CLASP1: variants seen among roughly 807,000 people sequenced by gnomAD.
CLASP1 encodes CLIP-associating protein 1.
In CLASP1, 38 loss-of-function variants were observed where a neutral mutation model predicts 192.3. The ratio of observed to expected loss-of-function variants is 0.20; its 90% confidence interval spans 0.15 to 0.26. The LOEUF (loss-of-function observed/expected upper bound fraction) is 0.26. Ranked by LOEUF, CLASP1 falls within the 10% of genes least tolerant of loss-of-function variation. CLASP1 has a pLI of 1.00. For missense variants in CLASP1, 1,433 were observed against 1,932.5 expected (o/e 0.74, Z 4.85); for synonymous variants, 691 against 712.8 (o/e 0.97, Z 0.49).
At chr2:121,622,086 C>T (rs1291698858) in intron 1 of CLASP1, among the ~76,000 whole-genome samples, 1 of 151,792 alleles carries the variant, frequency 6.6e-6, no homozygotes, top group Non-Finnish European at 1.5e-5. Flanking sequence ...CTTGACCTCA[C>T]ACCTGCCTCA....
chr2:121,370,099 G>T (rs1003351217), intron 34 of CLASP1, among the ~76,000 whole-genome samples: 2 of 152,168 alleles, frequency 1.3e-5, no homozygotes, highest in African/African-American at 2.4e-5. Flanking sequence ...TCCCTATGTT[G>T]AATGTCTTCA....
intron 1 of CLASP1, among the ~76,000 whole-genome samples, chr2:121,636,609 G>C (rs1209444008): frequency 1.3e-5 from 2 of 152,010 alleles, no homozygotes; most frequent in African/African-American, 4.8e-5. Flanking sequence ...AGGTTGCAGT[G>C]AGCCAAGATC....
intron 8 of CLASP1, among the ~76,000 whole-genome samples, chr2:121,478,650 A>C (rs1275312356): frequency 0.036 from 1,892 of 52,280 alleles, 25 homozygotes; most frequent in African/African-American, 0.15. Context: ...CACACCCCCC[A>C]CACACACACA....
intron 34 of CLASP1, among the ~76,000 whole-genome samples, chr2:121,373,499 G>A (rs1229740169): frequency 6.6e-6 from 1 of 152,140 alleles, no homozygotes; most frequent in African/African-American, 2.4e-5. Context: ...ACTGGGTAAC[G>A]GACAGAGGCT....
chr2:121,390,927 T>C (rs889723472), intron 30 of CLASP1, among the ~76,000 whole-genome samples: 17 of 152,260 alleles, frequency 1.1e-4, no homozygotes, highest in Non-Finnish European at 2.1e-4. Context: ...CATGTAATCC[T>C]CCTGCCTCAG....
chr2:121,470,259 T>C lies in CLASP1; in HGVS notation c.713-299A>G, dbSNP rs76271781. ...TAAAACCACCACCTTGAAACAGTTA[T>C]TTTCACATTCTGCAACATTTCTGAC... On this transcript the variant is annotated intron_variant, in intron 8 of 39. Coordinates refer to ENST00000263710, the Ensembl canonical transcript of CLASP1. 1.7e-4 allele frequency: 88 copies of C among 509,994 alleles called. 2 individuals carry two copies. The East Asian group carries it at 2.0e-3, about 12-fold the overall frequency. 31.6% of individuals were successfully genotyped at this position (509,994 alleles called of 1,614,324 possible).
chr2:121,373,786 C>G (rs2069299881), intron 34 of CLASP1, among the ~76,000 whole-genome samples: 1 of 152,184 alleles, frequency 6.6e-6, no homozygotes, highest in African/African-American at 2.4e-5. Flanking sequence ...AATTTCTAAG[C>G]AGTAAAGTGT....
At chr2:121,484,912 G>C (rs1176626082) in intron 8 of CLASP1, among the ~76,000 whole-genome samples, 1 of 152,158 alleles carries the variant, frequency 6.6e-6, no homozygotes, top group Non-Finnish European at 1.5e-5. Context: ...TAGTTCCTGG[G>C]AATACAGTAT....
At chr2:121,351,696 G>A (rs961964749) in intron 37 of CLASP1, among the ~76,000 whole-genome samples, 4 of 152,142 alleles carry the variant, frequency 2.6e-5, no homozygotes, top group African/African-American at 9.7e-5. Flanking sequence ...CCACCTCTGG[G>A]GCCTACACTG....
At chr2:121,478,630 T>TACACACACACACACCCCCCACACACACAC (rs2091958247) in intron 8 of CLASP1, among the ~76,000 whole-genome samples, 1 of 32,454 alleles carries the variant, frequency 3.1e-5, no homozygotes, top group Non-Finnish European at 6.4e-5. Context: ...CACACACACA[T>TACACACACACACACCCCCCACACACACAC]ACACACACAC....
intron 2 of CLASP1, among the ~76,000 whole-genome samples, chr2:121,559,373 A>G (rs74377477): frequency 0.013 from 2,025 of 152,356 alleles, 42 homozygotes; most frequent in African/African-American, 0.047. Context: ...TTAAAAATCT[A>G]CATCCACACA....
chr2:121,367,968 C>G, intron 34 of CLASP1, 137 bp from the exon 36 acceptor site: 3 of 1,128,064 alleles, frequency 2.7e-6, no homozygotes, highest in Non-Finnish European at 3.7e-6. Flanking sequence ...GCTACTAGTA[C>G]TGCAATGTAA....
intron 34 of CLASP1, among the ~76,000 whole-genome samples, chr2:121,368,591 C>T (rs758797160): frequency 1.3e-5 from 2 of 152,144 alleles, no homozygotes; most frequent in Non-Finnish European, 2.9e-5. Context: ...CACCACTGGT[C>T]TAGCCCCTTT....
intron 8 of CLASP1, among the ~76,000 whole-genome samples, chr2:121,482,599 A>G (rs2092678634): frequency 6.6e-6 from 1 of 152,174 alleles, no homozygotes; most frequent in South Asian, 2.1e-4. Flanking sequence ...TAATATCCAG[A>G]GTACCAAAGA....
intron 2 of CLASP1, among the ~76,000 whole-genome samples, chr2:121,596,588 G>A (rs778992530): frequency 4.6e-5 from 7 of 152,188 alleles, no homozygotes; most frequent in Non-Finnish European, 1.0e-4. Flanking sequence ...GGTAACATGT[G>A]CTCTGTAAAG....
chr2:121,398,587 T>C (rs1464929934), intron 28 of CLASP1, among the ~76,000 whole-genome samples, 187 bp from the exon 30 acceptor site: 1 of 152,206 alleles, frequency 6.6e-6, no homozygotes, highest in Non-Finnish European at 1.5e-5. Context: ...AAAAGGAAGA[T>C]CTTTTTGCAA....
chr2:121,631,413 G>A (rs1418404306), intron 1 of CLASP1, among the ~76,000 whole-genome samples: 2 of 146,954 alleles, frequency 1.4e-5, no homozygotes, highest in East Asian at 2.1e-4. Flanking sequence ...TCAGCCTCCC[G>A]AATAGCTGGG....
In CLASP1 at chr2:121,479,056, C is replaced by CCCCA. The variant is rs2092364773; in HGVS notation, c.713-9097_713-9096insTGGG. ...CCCCACACACACACACACCCCCCCC[C>CCCCA]CACACACACACACACACACCATCAA... On this transcript the variant is annotated intron_variant, in intron 8 of 39. Coordinates refer to ENST00000263710, the Ensembl canonical transcript of CLASP1. Among the ~76,000 whole-genome samples, 4 of 101,216 alleles carry CCCCA rather than the reference C, an allele frequency of 4.0e-5. 1 individual carries two copies. Among genetic ancestry groups the CCCCA allele is most frequent in the African/African-American group, 1.4e-4 (3 of 21,950 alleles). 66.4% of individuals were successfully genotyped at this position (101,216 alleles called of 152,430 possible).
chr2:121,523,450 T>C (rs1367200808), intron 6 of CLASP1, among the ~76,000 whole-genome samples: 1 of 152,176 alleles, frequency 6.6e-6, no homozygotes, highest in African/African-American at 2.4e-5. Flanking sequence ...ACTAGGCCCT[T>C]CCTGTCTCCT....
Sources: allele counts gnomAD v4.1 joint callset (sites outside exome capture counted in the v4.1 genomes callset), GRCh38; gene constraint gnomAD v4.1.1; transcripts MANE v1.5; gene names NCBI Gene and HGNC (gene_info 2026-07-23, HGNC 2026-07-21).